Variants in PTPRU observed in about 807,000 individuals in gnomAD.
PTPRU encodes receptor-type tyrosine-protein phosphatase U.
A neutral mutation model predicts 166.3 loss-of-function variants in PTPRU; 69 were observed. The ratio of observed to expected loss-of-function variants is 0.41; its 90% CI spans 0.34 to 0.51. The LOEUF is 0.51. Ranked by LOEUF, PTPRU falls within the 20% of genes least tolerant of loss-of-function variation. PTPRU has a pLI of 0.09. For missense variants in PTPRU, 1,657 were observed against 2,013.7 expected (o/e 0.82, Z 3.39); for synonymous variants, 793 against 814.0 (o/e 0.97, Z 0.44).
intron 7 of PTPRU, 124 bp downstream of exon 7, chr1:29,261,027 C>T (rs1168223855): frequency 8.8e-7 from 1 of 1,136,234 alleles, no homozygotes; most frequent in Non-Finnish European, 1.2e-6. Flanking sequence ...TTTTCCTCAA[C>T]CCTTGTTATG....
At chr1:29,268,200 G>A (rs1440552857) in intron 7 of PTPRU, among the ~76,000 whole-genome samples, 1 of 152,220 alleles carries the variant, frequency 6.6e-6, no homozygotes, top group African/African-American at 2.4e-5. Flanking sequence ...GGATACATGA[G>A]TGTGGAGTTC....
chr1:29,254,611 C>T (rs536260787), intron 1 of PTPRU, among the ~76,000 whole-genome samples: 2 of 152,222 alleles, frequency 1.3e-5, no homozygotes, highest in Non-Finnish European at 2.9e-5. Context: ...TGACTCAGAA[C>T]GCGTGGCCTG....
At chr1:29,301,038 T>C (rs1423814036) in intron 15 of PTPRU, among the ~76,000 whole-genome samples, 2 of 152,096 alleles carry the variant, frequency 1.3e-5, no homozygotes, top group Non-Finnish European at 2.9e-5. Flanking sequence ...AAGGACAGCA[T>C]ATGTGAAGGC....
chr1:29,310,828 G>A (rs376016229), intron 19 of PTPRU, 48 bp downstream of exon 19: 174 of 1,583,776 alleles, frequency 1.1e-4, no homozygotes, highest in Admixed American at 4.0e-4. Flanking sequence ...GCCTCCCAGC[G>A]TGCTGGAATG....
chr1:29,325,964 C>T lies in PTPRU; in HGVS notation c.*303C>T, dbSNP rs767040661. The T allele has an allele frequency of 4.5e-6, 2 of 448,138 alleles. No individual in the cohort carries two copies. The highest frequency in any genetic ancestry group is 2.0e-5 in the African/African-American group (1 of 49,102). The allele number at this position is 448,138 out of a possible 1,614,324, so 27.8% of individuals were successfully genotyped here. ...CTGGCAGAGTGACAAAGGCTCAGGA[C>T]GGCTGGCTCTGGGGGACTCAGGCCA... On this transcript the variant is annotated 3_prime_UTR_variant, in exon 30 of 30. Coordinates refer to ENST00000373779, the MANE Select transcript of PTPRU (RefSeq NM_133178.4).
intron 2 of PTPRU, 129 bp from the exon 3 acceptor site, chr1:29,258,376 C>A: frequency 9.8e-7 from 1 of 1,020,882 alleles, no homozygotes; most frequent in Non-Finnish European, 1.4e-6. Context: ...GGAGCTGGGG[C>A]CAGAACTCAG....
chr1:29,307,927 A>T (rs762228618), intron 18 of PTPRU, among the ~76,000 whole-genome samples: 24 of 151,546 alleles, frequency 1.6e-4, no homozygotes, highest in Admixed American at 3.9e-4. Context: ...CGCCCAGCTA[A>T]TTTTTGTATT....
intron 7 of PTPRU, among the ~76,000 whole-genome samples, chr1:29,262,499 G>A (rs574379092): frequency 6.6e-5 from 10 of 152,238 alleles, no homozygotes; most frequent in African/African-American, 2.4e-4. Flanking sequence ...GACCACATTT[G>A]TATAACTTTT....
intron 14 of PTPRU, among the ~76,000 whole-genome samples, chr1:29,290,523 C>T (rs536269337): frequency 6.6e-6 from 1 of 152,364 alleles, no homozygotes; most frequent in Admixed American, 6.5e-5. Context: ...TGCCCCTGTG[C>T]TGGTTTTCCC....
intron 28 of PTPRU, 95 bp from the exon 29 acceptor site, chr1:29,325,096 T>G: frequency 6.6e-7 from 1 of 1,518,434 alleles, no homozygotes; most frequent in Non-Finnish European, 9.0e-7. Context: ...GTCCCTCTCC[T>G]CTAGGCTCTC....
chr1:29,240,914 G>A (rs1185930019), intron 1 of PTPRU, among the ~76,000 whole-genome samples: 1 of 152,148 alleles, frequency 6.6e-6, no homozygotes, highest in African/African-American at 2.4e-5. Flanking sequence ...TGTTCTCACC[G>A]CTTGTGCACC....
At position 29,323,521 on chromosome 1, in the gene PTPRU, G is replaced by A. The variant is rs370094926; in HGVS notation, c.3954+25G>A. ...GGTGAGTGGTCTGAGGAGCCCCAGGGAAGGACCCTGGGTGGTGGCTGGGGC... is the reference window on the plus strand; with the variant it reads ...GGTGAGTGGTCTGAGGAGCCCCAGGAAAGGACCCTGGGTGGTGGCTGGGGC... On this transcript the variant is annotated intron_variant, in intron 27 of 29. Coordinates refer to ENST00000373779, the MANE Select transcript of PTPRU (RefSeq NM_133178.4). 50 of 1,612,130 alleles carry A rather than the reference G, an allele frequency of 3.1e-5. No individual in the cohort carries two copies. The Middle Eastern group carries it at 6.6e-4, about 21-fold the overall frequency.
At chr1:29,321,233 G>T (rs1217778666) in intron 26 of PTPRU, among the ~76,000 whole-genome samples, 1 of 144,928 alleles carries the variant, frequency 6.9e-6, no homozygotes, top group Non-Finnish European at 1.5e-5. Context: ...TAGAGACAAG[G>T]TCTCACTGTG....
chr1:29,313,506 A>G (rs958035261), intron 22 of PTPRU, among the ~76,000 whole-genome samples: 4 of 152,270 alleles, frequency 2.6e-5, no homozygotes, highest in African/African-American at 9.6e-5. Context: ...GTTTAAAAAT[A>G]TGAATTTTCA....
chr1:29,317,292 C>T lies in PTPRU; in HGVS notation c.3514-456C>T, dbSNP rs1043967296. On this transcript the variant is annotated intron_variant, in intron 24 of 29. Coordinates refer to ENST00000373779, the MANE Select transcript of PTPRU (RefSeq NM_133178.4). The surrounding 1 kb of genome is among the most constrained non-coding windows in gnomAD (Gnocchi z 5.6). ...ACCAAGGAACGTGACCCCCTCTCCA[C>T]GTGCCTGGAGTCCGCTTCTTGGAGG... Among the ~76,000 whole-genome samples the T allele has an allele frequency of 6.6e-5, 10 of 152,134 alleles. No individual in the cohort carries two copies. Among genetic ancestry groups the T allele is most frequent in the Non-Finnish European group, 8.8e-5 (6 of 68,030 alleles).
chr1:29,263,705 C>T (rs941208320), intron 7 of PTPRU, among the ~76,000 whole-genome samples: 2 of 152,096 alleles, frequency 1.3e-5, no homozygotes, highest in African/African-American at 4.8e-5. Flanking sequence ...AATGGTATCT[C>T]ATTGTGATTT....
Position 29,260,992 on chromosome 1 carries a change from G to A in PTPRU, c.1144+89G>A. ...TCGAGAGGTAGCGTGGCCTGTGCTT[G>A]TAAACCTTTCTAAAACATTGTGATT... On this transcript the variant is annotated intron_variant, in intron 7 of 29. Coordinates refer to ENST00000373779, the MANE Select transcript of PTPRU (RefSeq NM_133178.4). The surrounding 1 kb of genome is among the most constrained non-coding windows in gnomAD (Gnocchi z 8.3). 7.4e-7 allele frequency: 1 copy of A among 1,349,756 alleles called. No homozygotes were observed. Among genetic ancestry groups the A allele is most frequent in the South Asian group, 1.6e-5 (1 of 62,126 alleles). 83.6% of individuals were successfully genotyped at this position (1,349,756 alleles called of 1,614,324 possible).
chr1:29,322,719 C>T (rs757804078), intron 26 of PTPRU, among the ~76,000 whole-genome samples: 6 of 152,092 alleles, frequency 3.9e-5, no homozygotes, highest in Admixed American at 2.0e-4. Flanking sequence ...CTTTCCTGGG[C>T]TTCAGGCAGA....
chr1:29,259,120 C>A, intron 3 of PTPRU, 141 bp from the exon 4 acceptor site: 1 of 970,042 alleles, frequency 1.0e-6, no homozygotes, highest in Non-Finnish European at 1.5e-6. Flanking sequence ...AACTAGCTGG[C>A]TTGGGAGGGA....
Sources: gnomAD v4.1 joint callset for allele counts (sites outside exome capture counted in the v4.1 genomes callset) on GRCh38, gnomAD v4.1.1 for gene constraint, Gnocchi (gnomAD v3.1) non-coding constraint, MANE v1.5 for transcripts, NCBI Gene and HGNC (gene_info 2026-07-23, HGNC 2026-07-21) for gene names.